PM20D1: variants seen among roughly 807,000 people sequenced by gnomAD.
PM20D1 encodes the protein N-fatty-acyl-amino acid synthase/hydrolase PM20D1.
In PM20D1, 53 loss-of-function variants were observed where a neutral mutation model predicts 53.8. That is an observed-to-expected ratio of 0.98 (90% CI 0.79 to 1.24). The LOEUF (loss-of-function observed/expected upper bound fraction) is 1.24, where lower values mean the gene tolerates loss of function less well. Ranked by LOEUF, PM20D1 falls within the 50% of genes most tolerant of loss-of-function variation. PM20D1 has a pLI of 0.00. For missense variants in PM20D1, 564 were observed against 616.8 expected, an observed-to-expected ratio of 0.91 and a Z score of 0.91; for synonymous variants, 239 against 241.3, an observed-to-expected ratio of 0.99 and a Z score of 0.09.
At chr1:205,837,456 C>T (rs534618264) in intron 10 of PM20D1, among the ~76,000 whole-genome samples, 1 of 152,288 alleles carries the variant, frequency 6.6e-6, no homozygotes, top group South Asian at 2.1e-4. Context: ...GGTTCTGTTC[C>T]TCACAGATAG....
chr1:205,841,598 A>G (rs1394400684), intron 9 of PM20D1, among the ~76,000 whole-genome samples: 2 of 152,154 alleles, frequency 1.3e-5, no homozygotes, highest in Admixed American at 6.5e-5. Context: ...CTCTAGGTGA[A>G]TGGTGCCCCC....
rs555506135 is a variant in PM20D1 at position 205,847,199 on chromosome 1, C to T, written c.256+686G>A. Among the ~76,000 whole-genome samples the T allele has an allele frequency of 1.1e-4, 12 of 104,936 alleles. No homozygotes were observed. In the South Asian group the frequency reaches 1.9e-3, roughly 16 times the overall value. The allele number at this position is 104,936 out of a possible 152,430, so 68.8% of individuals were successfully genotyped here. On this transcript the variant is annotated intron_variant, in intron 2 of 12. Transcript: ENST00000367136. ...CATGGCTAATCCCAGAGCCATTTGT[C>T]CCAGGGTGTTAGAGAGGGGGCTGCT...
At chr1:205,841,686 G>A (rs1367365584) in intron 9 of PM20D1, 125 bp downstream of exon 9, 2 of 979,284 alleles carry the variant, frequency 2.0e-6, no homozygotes, top group African/African-American at 3.3e-5. Flanking sequence ...CTATGTCTTT[G>A]CGTGGCTAGG....
chr1:205,848,360 A>G (rs1657048057), intron 1 of PM20D1, among the ~76,000 whole-genome samples: 1 of 152,206 alleles, frequency 6.6e-6, no homozygotes, highest in South Asian at 2.1e-4. Flanking sequence ...TGATGAATCC[A>G]AGCTTCATCA....
At chr1:205,849,122 A>G (rs1657070330) in intron 1 of PM20D1, among the ~76,000 whole-genome samples, 1 of 152,188 alleles carries the variant, frequency 6.6e-6, no homozygotes, top group Non-Finnish European at 1.5e-5. Context: ...ATCTGCTTCT[A>G]TATGTTTATG....
At chr1:205,841,989 G>C in intron 8 of PM20D1, 100 bp from the exon 9 acceptor site, 1 of 1,241,442 alleles carries the variant, frequency 8.1e-7, no homozygotes, top group Non-Finnish European at 1.2e-6. Flanking sequence ...GGATCTTTAA[G>C]ACTGAGAGAG....
chr1:205,842,253 T>G, intron 7 of PM20D1, 38 bp from the exon 8 acceptor site: 2 of 1,567,604 alleles, frequency 1.3e-6, no homozygotes, highest in Non-Finnish European at 8.8e-7. Context: ...GGGTCACCTC[T>G]AGTTTAGCCT....
At chr1:205,833,381 C>T (rs929687775) in intron 10 of PM20D1, among the ~76,000 whole-genome samples, 2 of 152,180 alleles carry the variant, frequency 1.3e-5, no homozygotes, top group Admixed American at 6.5e-5. Context: ...GCTTCAGCCT[C>T]GGAGAACCTC....
intron 9 of PM20D1, among the ~76,000 whole-genome samples, chr1:205,841,105 C>T (rs903256061): frequency 2.6e-5 from 4 of 152,146 alleles, no homozygotes; most frequent in Admixed American, 6.5e-5. Context: ...TCCCCATTCC[C>T]GACCTTCTAG....
At chr1:205,845,267 AC>A in intron 3 of PM20D1, 57 bp downstream of exon 3, 1 of 1,527,878 alleles carries the variant, frequency 6.5e-7, no homozygotes, top group Non-Finnish European at 9.1e-7. Flanking sequence ...TCAGCCAAGC[AC>A]CCCCATCCTG....
chr1:205,829,522 C>T (rs183269047), intron 12 of PM20D1, among the ~76,000 whole-genome samples: 30 of 152,286 alleles, frequency 2.0e-4, no homozygotes, highest in Non-Finnish European at 3.1e-4. Context: ...CCTGCCTCCC[C>T]ACAGTGAAAC....
Position 205,843,674 on chromosome 1 carries a change from C to T in PM20D1, c.820G>A (p.Val274Ile). The T allele has an allele frequency of 1.2e-6, 2 of 1,613,660 alleles. No homozygotes were observed. The highest frequency in any genetic ancestry group is 1.7e-6 in the Non-Finnish European group (2 of 1,179,840). ...GGGCCAGGAGTTGCTTACCGGCTGA[C>T]AGCAGCTGCAAGGATGCCAATGCTT... is the stretch of plus-strand genomic sequence containing the variant. ...ETSIGILAAA[V>I]SRLEQTPMPI... Residue 274 changes from valine to isoleucine, a missense_variant, in exon 6 of 13, where the codon GTC becomes ATC. Transcript: ENST00000367136.
rs139131791 is a variant in PM20D1 at position 205,830,349 on chromosome 1, A to G, written c.1316T>C (p.Phe439Ser). 8 of 1,612,738 alleles carry G rather than the reference A, an allele frequency of 5.0e-6. No homozygotes were observed. Among genetic ancestry groups the G allele is most frequent in the Admixed American group, 3.3e-5 (2 of 60,014 alleles). ...GATGCCAGTGGTGAGGTTTGTAAAGAATCGGCTGTCTGTGTTGCCAATAGA... is the reference window on the plus strand; with the variant it reads ...GATGCCAGTGGTGAGGTTTGTAAAGGATCGGCTGTCTGTGTTGCCAATAGA... ...VTSIGNTDSRFFTNLTTGIYR... is the reference protein window; with the variant it reads ...VTSIGNTDSRSFTNLTTGIYR... Residue 439 changes from phenylalanine (F) to serine (S), a missense_variant, in exon 12 of 13, where the codon TTC (phenylalanine) becomes TCC (serine). Transcript: ENST00000367136.
At chr1:205,841,174 A>G (rs1265760831) in intron 9 of PM20D1, among the ~76,000 whole-genome samples, 2 of 152,188 alleles carry the variant, frequency 1.3e-5, no homozygotes, top group African/African-American at 4.8e-5. Flanking sequence ...CCTGACCAGG[A>G]GGAATCCAGG....
chr1:205,828,169 A>G lies in PM20D1; in HGVS notation c.*451T>C, dbSNP rs1656482923. On this transcript the variant is annotated 3_prime_UTR_variant, in exon 13 of 13. Coordinates refer to ENST00000367136, the MANE Select transcript of PM20D1 (RefSeq NM_152491.5). ...GAGAGGAGAGATGAAGAGACAGCTCATGAGTCCAAGAAGAGAGGGGAATAA... is the reference window on the plus strand; with the variant it reads ...GAGAGGAGAGATGAAGAGACAGCTCGTGAGTCCAAGAAGAGAGGGGAATAA... The G allele has an allele frequency of 6.3e-6, 1 of 158,222 alleles. No homozygotes were observed. The highest frequency in any genetic ancestry group is 1.4e-5 in the Non-Finnish European group (1 of 72,058). 9.8% of individuals were successfully genotyped at this position (158,222 alleles called of 1,614,324 possible). A position where few individuals can be genotyped will look rare whatever the true frequency, so the allele number is the denominator to read the frequency against.
At chr1:205,845,027 GA>G in intron 3 of PM20D1, 130 bp from the exon 4 acceptor site, 1 of 782,090 alleles carries the variant, frequency 1.3e-6, no homozygotes, top group Non-Finnish European at 2.1e-6. Flanking sequence ...TCTTGAAAGA[GA>G]ACAGATTCAA....
rs112386016 is a variant in PM20D1 at position 205,842,100 on chromosome 1, G to C, written c.965+54C>G. 591 of 1,536,726 alleles carry C rather than the reference G, an allele frequency of 3.8e-4. 4 individuals are homozygous for C. The African/African-American group carries it at 6.7e-3, about 17-fold the overall frequency. Reference sequence around the variant, plus strand: ...AGTTAAGCCAAGGAGAGGGGCCTGGGGGGTGGGTAGGTTTGAGGTGAGGGA... The same window carrying C: ...AGTTAAGCCAAGGAGAGGGGCCTGGCGGGTGGGTAGGTTTGAGGTGAGGGA... On this transcript the variant is annotated intron_variant, in intron 8 of 12. Transcript: ENST00000367136.
chr1:205,845,666 A>T, intron 2 of PM20D1, 109 bp from the exon 3 acceptor site: 1 of 888,920 alleles, frequency 1.1e-6, no homozygotes, highest in Non-Finnish European at 1.7e-6. Context: ...TTAAACATGC[A>T]TCCTCCTTTA....
intron 2 of PM20D1, among the ~76,000 whole-genome samples, chr1:205,846,385 C>CAA (rs373894661): frequency 1.4e-5 from 2 of 145,222 alleles, no homozygotes; most frequent in African/African-American, 5.1e-5. Flanking sequence ...GACTCCAACT[C>CAA]AAAAAAAAAA....
Sources: gnomAD v4.1 joint callset for allele counts (sites outside exome capture counted in the v4.1 genomes callset) on GRCh38, gnomAD v4.1.1 for gene constraint, MANE v1.5 for transcripts, NCBI Gene and HGNC (gene_info 2026-07-23, HGNC 2026-07-21) for gene names.